Variants in NRXN3 observed in about 807,000 individuals in gnomAD.
NRXN3 encodes the protein neurexin III.
In NRXN3, 32 loss-of-function variants were observed where a neutral mutation model predicts 137.6. That is an observed-to-expected ratio of 0.23 (90% CI 0.18 to 0.31). The LOEUF (loss-of-function observed/expected upper bound fraction) is 0.31. Among genes scored for constraint, NRXN3 ranks in the 10% least tolerant of loss-of-function variants. The probability of loss-of-function intolerance (pLI) is 1.00; values close to 1 mark genes in which losing one functional copy is unlikely to be tolerated. For synonymous variants in NRXN3, 798 were observed against 784.5 expected (o/e 1.02, Z -0.29); for missense variants, 1,574 against 2,062.5 (o/e 0.76, Z 4.59).
At chr14:79,828,154 C>G (rs1405660796) in intron 20 of NRXN3, among the ~76,000 whole-genome samples, 2 of 152,128 alleles carry the variant, frequency 1.3e-5, no homozygotes, top group Non-Finnish European at 2.9e-5. Flanking sequence ...ATATTCCAAA[C>G]TATATCAGGA....
intron 10 of NRXN3, among the ~76,000 whole-genome samples, chr14:78,879,181 A>G (rs1404501864): frequency 1.3e-5 from 2 of 152,176 alleles, no homozygotes; most frequent in Non-Finnish European, 2.9e-5. Context: ...TGGACTGCAG[A>G]TATCTCTTTG....
chr14:79,245,469 C>T (rs553031849), intron 15 of NRXN3, among the ~76,000 whole-genome samples: 2 of 151,710 alleles, frequency 1.3e-5, no homozygotes, highest in African/African-American at 4.8e-5. Flanking sequence ...GAGAAAAAAG[C>T]GAGATGAGAG....
intron 16 of NRXN3, among the ~76,000 whole-genome samples, chr14:79,610,287 C>G (rs947944085): frequency 6.6e-6 from 1 of 152,090 alleles, no homozygotes; most frequent in Non-Finnish European, 1.5e-5. Context: ...GGGTTCATTA[C>G]TTGTTAGAAA....
intron 17 of NRXN3, among the ~76,000 whole-genome samples, chr14:79,690,102 T>C (rs2098710713): frequency 6.6e-6 from 1 of 152,174 alleles, no homozygotes; most frequent in Non-Finnish European, 1.5e-5. Context: ...AATTACCTTT[T>C]CTCAGTATAG....
At chr14:78,229,355 G>A (rs2065078424) in intron 1 of NRXN3, among the ~76,000 whole-genome samples, 1 of 151,954 alleles carries the variant, frequency 6.6e-6, no homozygotes, top group Non-Finnish European at 1.5e-5. Context: ...CCGGTCAAAG[G>A]GTCCTGATAG....
At chr14:78,333,228 T>G (rs2081047413) in intron 4 of NRXN3, among the ~76,000 whole-genome samples, 1 of 152,160 alleles carries the variant, frequency 6.6e-6, no homozygotes, top group African/African-American at 2.4e-5. Context: ...AGACTGGTCA[T>G]CCAGCCAGGT....
At position 79,692,189 on chromosome 14, in the gene NRXN3, A is replaced by G. The variant is rs922660867; in HGVS notation, c.3633A>G (p.Glu1211=). 8 of 1,608,960 alleles carry G rather than the reference A, an allele frequency of 5.0e-6. No homozygotes were observed. The East Asian group carries it at 1.6e-4, about 32-fold the overall frequency. ...EHYPTGNTDN[E]RFQMVKQKIP... is the part of the protein sequence containing the mutation. ...ACTTTAAAGGCAACACTGATAATGAACGCTTCCAAATGGTAAAACAGAAAA... is the reference window on the plus strand; with the variant it reads ...ACTTTAAAGGCAACACTGATAATGAGCGCTTCCAAATGGTAAAACAGAAAA... The change falls in exon 18 of 21, where the codon GAA becomes GAG. Residue 1211 remains glutamate, a synonymous_variant. Transcript: ENST00000335750.
intron 4 of NRXN3, among the ~76,000 whole-genome samples, chr14:78,305,314 C>G (rs13329054): frequency 0.68 from 102,704 of 151,948 alleles, 36,149 homozygotes; most frequent in African/African-American, 0.89. Context: ...GGCCGGGCAG[C>G]AGGGGGATTT....
intron 2 of NRXN3, among the ~76,000 whole-genome samples, chr14:78,248,116 G>A (rs2067965246): frequency 6.6e-6 from 1 of 152,186 alleles, no homozygotes; most frequent in South Asian, 2.1e-4. Flanking sequence ...CTTGTCTTCT[G>A]TCTTCTCCTG....
intron 20 of NRXN3, among the ~76,000 whole-genome samples, chr14:79,828,835 C>T (rs1335322553): frequency 1.3e-5 from 2 of 151,878 alleles, no homozygotes; most frequent in Non-Finnish European, 2.9e-5. Flanking sequence ...AGACAGCATA[C>T]AAATTCTAGG....
At chr14:79,610,480 C>G (rs1253844739) in intron 16 of NRXN3, among the ~76,000 whole-genome samples, 1 of 152,186 alleles carries the variant, frequency 6.6e-6, no homozygotes, top group Non-Finnish European at 1.5e-5. Flanking sequence ...AAGAGAGAAA[C>G]TAGCATTTGT....
At chr14:78,446,017 C>T (rs895017346) in intron 4 of NRXN3, among the ~76,000 whole-genome samples, 5 of 152,100 alleles carry the variant, frequency 3.3e-5, no homozygotes, top group African/African-American at 7.2e-5. Context: ...CTCACAGCTT[C>T]GGCATAGACC....
At chr14:79,436,573 C>T (rs1039597704) in intron 15 of NRXN3, among the ~76,000 whole-genome samples, 5 of 152,156 alleles carry the variant, frequency 3.3e-5, no homozygotes, top group Non-Finnish European at 5.9e-5. Flanking sequence ...CCCTCCATTC[C>T]CAAATCCCCA....
intron 4 of NRXN3, among the ~76,000 whole-genome samples, chr14:78,448,103 C>T (rs2094463578): frequency 6.6e-6 from 1 of 152,172 alleles, no homozygotes; most frequent in African/African-American, 2.4e-5. Flanking sequence ...TCTTTGACCT[C>T]CCCAACCATA....
intron 15 of NRXN3, among the ~76,000 whole-genome samples, chr14:79,266,092 C>G (rs2078427368): frequency 6.6e-6 from 1 of 152,030 alleles, no homozygotes; most frequent in Admixed American, 6.6e-5. Flanking sequence ...TAAAAGGCAC[C>G]TGGGAATCTA....
At chr14:78,603,808 C>A (rs1242118968) in intron 4 of NRXN3, among the ~76,000 whole-genome samples, 1 of 152,078 alleles carries the variant, frequency 6.6e-6, no homozygotes, top group Admixed American at 6.5e-5. Flanking sequence ...TGAGCCATGG[C>A]CTTCATAGGC....
intron 19 of NRXN3, among the ~76,000 whole-genome samples, chr14:79,710,532 G>A (rs1006248253): frequency 1.3e-5 from 2 of 152,088 alleles, no homozygotes; most frequent in Non-Finnish European, 1.5e-5. Context: ...ATTGTAACAC[G>A]TGTCTACTGA....
At chr14:78,333,382 A>T (rs143814266) in intron 4 of NRXN3, among the ~76,000 whole-genome samples, 1 of 152,192 alleles carries the variant, frequency 6.6e-6, no homozygotes, top group Non-Finnish European at 1.5e-5. Context: ...CATTCTAGGA[A>T]TTGAGGATGT....
chr14:78,934,373 C>A (rs2099329811), intron 10 of NRXN3, among the ~76,000 whole-genome samples: 1 of 152,124 alleles, frequency 6.6e-6, no homozygotes, highest in South Asian at 2.1e-4. Context: ...CAGTCAGATG[C>A]CCAAGCATGA....
Sources: allele counts gnomAD v4.1 joint callset (sites outside exome capture counted in the v4.1 genomes callset), GRCh38; gene constraint gnomAD v4.1.1; transcripts MANE v1.5; gene names NCBI Gene and HGNC (gene_info 2026-07-23, HGNC 2026-07-21).